GLB1: variants seen among roughly 807,000 people sequenced by gnomAD.
The protein encoded by GLB1 is beta-galactosidase.
A neutral mutation model predicts 74.0 loss-of-function variants in GLB1; 56 were observed. The ratio of observed to expected loss-of-function variants is 0.76; its 90% CI spans 0.61 to 0.94. The LOEUF (loss-of-function observed/expected upper bound fraction) is 0.94, where lower values mean the gene tolerates loss of function less well. Among genes scored for constraint, GLB1 ranks in the 40% least tolerant of loss-of-function variants. GLB1 has a pLI of 0.00. For synonymous variants in GLB1, 323 were observed against 323.6 expected (o/e 1.00, Z 0.02); for missense variants, 787 against 845.5 (o/e 0.93, Z 0.86).
intron 10 of GLB1, chr3:33,034,073 G>A (rs543084002): frequency 2.7e-5 from 15 of 551,716 alleles, no homozygotes; most frequent in South Asian, 2.1e-4. Context: ...CCCCACATAT[G>A]GCAATATCCT....
At chr3:33,055,270 C>T (rs1015846471) in intron 6 of GLB1, among the ~76,000 whole-genome samples, 1 of 152,162 alleles carries the variant, frequency 6.6e-6, no homozygotes, top group Admixed American at 6.5e-5. Flanking sequence ...ACCTCACATA[C>T]AAATTATGCT....
chr3:33,067,002 C>CTTTTTT (rs63579460), intron 4 of GLB1, among the ~76,000 whole-genome samples: 3 of 135,442 alleles, frequency 2.2e-5, no homozygotes, highest in South Asian at 4.7e-4. Context: ...GTTTTTATTT[C>CTTTTTT]TTTTTTTTTT....
Position 33,021,673 on chromosome 3 carries a change from C to G in GLB1, c.1144-18G>C, listed in dbSNP as rs1410052410. 1.2e-6 allele frequency: 2 copies of G among 1,611,022 alleles called. No homozygotes were observed. Among genetic ancestry groups the G allele is most frequent in the South Asian group, 2.2e-5 (2 of 90,380 alleles). ...GTCTTTAACTGAAAAGAAACAAAAG[C>G]AGCATTCACACACTGCACCCCTCAC... On this transcript the variant is annotated intron_variant, in intron 11 of 15. Coordinates refer to ENST00000307363, the MANE Select transcript of GLB1 (RefSeq NM_000404.4).
At chr3:32,994,233 G>A (rs146554510), downstream of GLB1, among the ~76,000 whole-genome samples, 28 of 152,254 alleles carry the variant, frequency 1.8e-4, no homozygotes, top group East Asian at 4.6e-3. Context: ...AATGGAATGC[G>A]ACTCAGCAAC....
chr3:33,097,059 G>A lies in GLB1; in HGVS notation c.27C>T (p.Leu9=), dbSNP rs905194921. The change falls in exon 1 of 16, where the codon CTC becomes CTT. Residue 9 remains leucine (L), a synonymous_variant. Coordinates refer to ENST00000307363, the MANE Select transcript of GLB1 (RefSeq NM_000404.4). The stretch of plus-strand genomic sequence containing the variant: ...GAAGCAGCAGAACCAGCAACAGAGG[G>A]AGGATGCGAACCAGGAACCCCGGCA... The part of the protein sequence containing the change: MPGFLVRI[L]PLLLVLLLLG... The A allele has an allele frequency of 2.5e-6, 4 of 1,612,458 alleles. No individual in the cohort carries two copies. In the African/African-American group the frequency reaches 4.0e-5, roughly 16 times the overall value.
intron 2 of GLB1, 113 bp downstream of exon 2, chr3:33,072,431 G>C: frequency 2.0e-6 from 3 of 1,516,854 alleles, no homozygotes; most frequent in Non-Finnish European, 2.7e-6. Flanking sequence ...ACATCACACT[G>C]GACCATTTCC....
Position 32,996,987 on chromosome 3 carries a change from G to C in GLB1, c.*58C>G, listed in dbSNP as rs1696327701. 2 of 1,613,304 alleles carry C rather than the reference G, an allele frequency of 1.2e-6. No individual in the cohort carries two copies. Among genetic ancestry groups the C allele is most frequent in the East Asian group, 2.2e-5 (1 of 44,894 alleles). ...CCAATCAGTGAAATGTGGCATGACA[G>C]GGAGGATCTGTGAGGTATGTTCAGG... On this transcript the variant is annotated 3_prime_UTR_variant, in exon 16 of 16. Coordinates refer to ENST00000307363, the MANE Select transcript of GLB1 (RefSeq NM_000404.4).
intron 5 of GLB1, among the ~76,000 whole-genome samples, chr3:33,062,878 C>T (rs780333926): frequency 6.6e-6 from 1 of 152,220 alleles, no homozygotes; most frequent in Non-Finnish European, 1.5e-5. Flanking sequence ...TATTCCATTC[C>T]AGAGCCGTTC....
the GLB1 span, among the ~76,000 whole-genome samples, chr3:32,981,579 G>C: frequency 1.3e-5 from 2 of 151,878 alleles, no homozygotes; most frequent in African/African-American, 4.8e-5. Flanking sequence ...TTCAAGACCA[G>C]CCTGGCCAAC....
chr3:33,042,619 G>A (rs928445875), intron 10 of GLB1, among the ~76,000 whole-genome samples: 4 of 151,938 alleles, frequency 2.6e-5, no homozygotes, highest in Admixed American at 1.3e-4. Context: ...CGCCCGCCTC[G>A]GCCTCCCAAA....
chr3:33,062,172 T>C (rs1425106781), intron 5 of GLB1, among the ~76,000 whole-genome samples: 1 of 152,172 alleles, frequency 6.6e-6, no homozygotes. Flanking sequence ...CAGAAATCTT[T>C]ATTTTTTTTG....
At chr3:32,986,163 C>A in the GLB1 span, among the ~76,000 whole-genome samples, 1 of 152,252 alleles carries the variant, frequency 6.6e-6, no homozygotes, top group African/African-American at 2.4e-5. Context: ...GCGGTAGCTG[C>A]TCTGTCGGCT....
chr3:33,095,751 T>A (rs1181598225), intron 1 of GLB1, among the ~76,000 whole-genome samples: 2 of 152,126 alleles, frequency 1.3e-5, no homozygotes, highest in Admixed American at 6.5e-5. Context: ...GATCTGCCTT[T>A]CCCCTAGCCC....
At chr3:33,049,306 T>C (rs1052804070) in intron 9 of GLB1, among the ~76,000 whole-genome samples, 21 of 152,160 alleles carry the variant, frequency 1.4e-4, no homozygotes, top group African/African-American at 5.1e-4. Flanking sequence ...TTTTCCTTTT[T>C]TTTAATTTAA....
intron 10 of GLB1, chr3:33,034,816 CAGGCAG>C: frequency 1.7e-6 from 1 of 599,978 alleles, no homozygotes. Context: ...AGTGACAAGA[CAGGCAG>C]AGCCTCCCAC....
At chr3:33,066,147 C>T (rs1485679050) in intron 4 of GLB1, among the ~76,000 whole-genome samples, 1 of 152,072 alleles carries the variant, frequency 6.6e-6, no homozygotes, top group Non-Finnish European at 1.5e-5. Flanking sequence ...CCTCAGGGGA[C>T]GAGGACCAGT....
At chr3:33,053,453 T>TA in intron 7 of GLB1, 38 bp downstream of exon 7, 1 of 1,614,116 alleles carries the variant, frequency 6.2e-7, no homozygotes, top group Non-Finnish European at 8.5e-7. Flanking sequence ...TTTTCTCTCT[T>TA]AACAGCTGCA....
At chr3:32,994,051 G>A (rs952156311), downstream of GLB1, among the ~76,000 whole-genome samples, 3 of 152,150 alleles carry the variant, frequency 2.0e-5, no homozygotes, top group East Asian at 1.9e-4. Flanking sequence ...ATTACTATAT[G>A]ACTAAACAAT....
chr3:33,071,419 T>A (rs1237510498), intron 2 of GLB1, among the ~76,000 whole-genome samples: 3 of 152,200 alleles, frequency 2.0e-5, no homozygotes, highest in Non-Finnish European at 4.4e-5. Context: ...ACACCAACTT[T>A]CTTGCCTGTT....
Sources: gnomAD v4.1 joint callset for allele counts (sites outside exome capture counted in the v4.1 genomes callset) on GRCh38, gnomAD v4.1.1 for gene constraint, MANE v1.5 for transcripts, NCBI Gene and HGNC (gene_info 2026-07-23, HGNC 2026-07-21) for gene names.